Variants in CAPZA1 observed in about 807,000 individuals in gnomAD.
CAPZA1 encodes the protein F-actin-capping protein subunit alpha-1.
A neutral mutation model predicts 40.8 loss-of-function variants in CAPZA1; 10 were observed. The observed-to-expected ratio is 0.25, with a 90% CI of 0.15 to 0.42. CAPZA1 has a LOEUF of 0.42. Among genes scored for constraint, CAPZA1 ranks in the 10% least tolerant of loss-of-function variants. The probability of loss-of-function intolerance (pLI) is 1.00; values close to 1 mark genes in which losing one functional copy is unlikely to be tolerated. For synonymous variants in CAPZA1, 98 were observed against 115.0 expected (o/e 0.85, Z 0.95); for missense variants, 277 against 353.8 (o/e 0.78, Z 1.74).
chr1:112,662,783 C>T (rs1671645855), intron 7 of CAPZA1, among the ~76,000 whole-genome samples: 1 of 152,116 alleles, frequency 6.6e-6, no homozygotes, highest in African/African-American at 2.4e-5. Context: ...AAAAACATAA[C>T]AGAAGTTCAA....
At chr1:112,666,889 A>T in intron 7 of CAPZA1, 185 bp from the exon 8 acceptor site, 2 of 541,348 alleles carry the variant, frequency 3.7e-6, no homozygotes, top group East Asian at 6.0e-5. Context: ...AGCGTTCTTA[A>T]ACTTAAGTGT....
At chr1:112,623,059 G>T (rs1670712431) in intron 1 of CAPZA1, among the ~76,000 whole-genome samples, 1 of 151,888 alleles carries the variant, frequency 6.6e-6, no homozygotes, top group African/African-American at 2.4e-5. Context: ...CTAATTTTTT[G>T]TATTTTTAGT....
At chr1:112,633,772 TA>T (rs1156769299) in intron 1 of CAPZA1, among the ~76,000 whole-genome samples, 12 of 152,244 alleles carry the variant, frequency 7.9e-5, no homozygotes, top group Admixed American at 7.9e-4. Flanking sequence ...GTCTTTTTGA[TA>T]ATAGCCATTC....
chr1:112,661,941 A>G (rs897068417), intron 7 of CAPZA1, among the ~76,000 whole-genome samples: 2 of 152,246 alleles, frequency 1.3e-5, no homozygotes, highest in African/African-American at 4.8e-5. Context: ...TCGTTAAGAT[A>G]TTTAGCCTTT....
intron 6 of CAPZA1, 113 bp from the exon 7 acceptor site, chr1:112,659,586 CTT>C: frequency 8.1e-6 from 4 of 495,096 alleles, no homozygotes; most frequent in Non-Finnish European, 1.0e-5. Context: ...CTCTCTCTCT[CTT>C]TTTTTTTTTC....
At chr1:112,665,057 A>C (rs1484332752) in intron 7 of CAPZA1, among the ~76,000 whole-genome samples, 1 of 152,246 alleles carries the variant, frequency 6.6e-6, no homozygotes, top group Non-Finnish European at 1.5e-5. Context: ...AAGTGAGATG[A>C]AGTAAGTGAA....
chr1:112,649,614 T>C (rs891911112), intron 3 of CAPZA1, 145 bp downstream of exon 3: 35 of 669,362 alleles, frequency 5.2e-5, no homozygotes, highest in Non-Finnish European at 3.4e-5. Flanking sequence ...TTTTTTTAAT[T>C]GGAGAAAACA....
Position 112,667,026 on chromosome 1 carries a change from T to C in CAPZA1, c.586-48T>C, listed in dbSNP as rs41283064. The C allele has an allele frequency of 6.5e-3, 8,744 of 1,338,540 alleles. 41 individuals carry two copies. Among genetic ancestry groups the C allele is most frequent in the Non-Finnish European group, 8.3e-3 (7,865 of 943,166 alleles). The allele number at this position is 1,338,540 out of a possible 1,614,324, so 82.9% of individuals were successfully genotyped here. A position where few individuals can be genotyped will look rare whatever the true frequency, so the allele number is the denominator to read the frequency against. On this transcript the variant is annotated intron_variant, in intron 7 of 9. Transcript: ENST00000263168. Reference sequence around the variant, plus strand: ...ATGGATTTGTGTCCTAAATAACAGGTTTCTCTATGAACTTCCCCTAAAAAG... The same window carrying C: ...ATGGATTTGTGTCCTAAATAACAGGCTTCTCTATGAACTTCCCCTAAAAAG...
intron 5 of CAPZA1, among the ~76,000 whole-genome samples, chr1:112,655,249 G>A (rs953411231): frequency 6.6e-6 from 1 of 152,172 alleles, no homozygotes; most frequent in Non-Finnish European, 1.5e-5. Flanking sequence ...GGAGGCCAAG[G>A]TGGGCAGATC....
At chr1:112,649,910 A>G (rs983373823) in intron 3 of CAPZA1, 2 of 158,736 alleles carry the variant, frequency 1.3e-5, no homozygotes, top group African/African-American at 4.8e-5. Context: ...CTAGTCATTG[A>G]CTCCTTACCA....
rs1374014109 is a variant in CAPZA1 at position 112,619,900 on chromosome 1, T to C, written c.39+17T>C. The C allele has an allele frequency of 1.2e-6, 2 of 1,600,616 alleles. No homozygotes were observed. Among genetic ancestry groups the C allele is most frequent in the Non-Finnish European group, 1.7e-6 (2 of 1,172,198 alleles). On this transcript the variant is annotated intron_variant, in intron 1 of 9. Coordinates refer to ENST00000263168, the MANE Select transcript of CAPZA1 (RefSeq NM_006135.3). The stretch of plus-strand genomic sequence containing the variant: ...GAGGAGAAGGTAAGGGGTCCGCCTC[T>C]CTCTCTTACCTCCTCCCCCGACAGG...
Position 112,670,452 on chromosome 1 carries a change from G to C in CAPZA1, c.*320G>C, listed in dbSNP as rs1570731132. The C allele has an allele frequency of 4.8e-6, 1 of 206,210 alleles. No homozygotes were observed. The highest frequency in any genetic ancestry group is 6.7e-5 in the South Asian group (1 of 14,844). The allele number at this position is 206,210 out of a possible 1,614,324, so 12.8% of individuals were successfully genotyped here. On this transcript the variant is annotated 3_prime_UTR_variant, in exon 10 of 10. Transcript: ENST00000263168. ...TAATGACATTTTACTGTTTAAAAAAGTTTCCTAGCCATGAAGCCCTGCTAC... is the reference window on the plus strand; with the variant it reads ...TAATGACATTTTACTGTTTAAAAAACTTTCCTAGCCATGAAGCCCTGCTAC...
chr1:112,654,928 T>C (rs1671468315), intron 5 of CAPZA1, among the ~76,000 whole-genome samples: 1 of 152,194 alleles, frequency 6.6e-6, no homozygotes, highest in African/African-American at 2.4e-5. Flanking sequence ...GAAAAATGCC[T>C]TACACCCATC....
At chr1:112,627,829 G>A (rs1298993438) in intron 1 of CAPZA1, among the ~76,000 whole-genome samples, 3 of 151,370 alleles carry the variant, frequency 2.0e-5, no homozygotes, top group South Asian at 2.1e-4. Flanking sequence ...GCGTGATGGC[G>A]CATGCCTGTA....
intron 1 of CAPZA1, among the ~76,000 whole-genome samples, chr1:112,628,968 T>A (rs1267980131): frequency 6.6e-6 from 1 of 152,242 alleles, no homozygotes; most frequent in Non-Finnish European, 1.5e-5. Context: ...ATTAAAATAC[T>A]ATTTTTTATG....
chr1:112,631,297 C>G (rs1349005986), intron 1 of CAPZA1, among the ~76,000 whole-genome samples: 5 of 152,156 alleles, frequency 3.3e-5, no homozygotes, highest in African/African-American at 1.2e-4. Context: ...TAAAAGACAA[C>G]ATAACTCAGA....
Position 112,667,195 on chromosome 1 carries a change from TA to T in CAPZA1, c.657+56del, listed in dbSNP as rs1477239988. On this transcript the variant is annotated intron_variant, in intron 8 of 9. Transcript: ENST00000263168. ...GTCTTACTCATGTCTCGTTTTTCTT[TA>T]AAAAATTAGTTTTGATCCTGAGTGC... is the stretch of plus-strand genomic sequence containing the variant. 3 of 1,358,784 alleles carry T rather than the reference TA, an allele frequency of 2.2e-6. No homozygotes were observed. The South Asian group carries it at 3.7e-5, about 17-fold the overall frequency. 84.2% of individuals were successfully genotyped at this position (1,358,784 alleles called of 1,614,324 possible). A position where few individuals can be genotyped will look rare whatever the true frequency, so the allele number is the denominator to read the frequency against.
At chr1:112,638,926 A>ATATAGG (rs1553179156) in intron 1 of CAPZA1, among the ~76,000 whole-genome samples, 1 of 148,468 alleles carries the variant, frequency 6.7e-6, no homozygotes, top group African/African-American at 2.5e-5. Context: ...ATAGATATAG[A>ATATAGG]TATAGATATA....
At chr1:112,654,262 G>A (rs977216805) in intron 4 of CAPZA1, among the ~76,000 whole-genome samples, 15 of 152,048 alleles carry the variant, frequency 9.9e-5, no homozygotes, top group Admixed American at 8.5e-4. Flanking sequence ...TTATTAGTAT[G>A]GGGGATATTT....
Sources: gnomAD v4.1 joint callset for allele counts (sites outside exome capture counted in the v4.1 genomes callset) on GRCh38, gnomAD v4.1.1 for gene constraint, MANE v1.5 for transcripts, NCBI Gene and HGNC (gene_info 2026-07-23, HGNC 2026-07-21) for gene names.